Variants in RAB27A observed in about 807,000 individuals in gnomAD.
RAB27A encodes the protein ras-related protein Rab-27A.
Under a neutral mutation model 20.8 loss-of-function variants are expected in RAB27A, and 17 were observed. The ratio of observed to expected loss-of-function variants is 0.82; its 90% CI spans 0.56 to 1.23. The LOEUF (loss-of-function observed/expected upper bound fraction) is 1.23, where lower values mean the gene tolerates loss of function less well. RAB27A is among the 50% of genes most tolerant of loss of function. The pLI is 0.00. For missense variants in RAB27A, 277 were observed against 266.7 expected (o/e 1.04, Z -0.27); for synonymous variants, 85 against 92.8 (o/e 0.92, Z 0.48).
At chr15:55,220,559 C>T (rs1381710187) in intron 6 of RAB27A, among the ~76,000 whole-genome samples, 2 of 152,160 alleles carry the variant, frequency 1.3e-5, no homozygotes, top group African/African-American at 4.8e-5. Context: ...GTATGAGCCA[C>T]CACACCTGGC....
At chr15:55,307,243 G>A (rs1001232773) in intron 2 of RAB27A, among the ~76,000 whole-genome samples, 1 of 152,000 alleles carries the variant, frequency 6.6e-6, no homozygotes, top group Admixed American at 6.6e-5. Context: ...CTAAGGAGGT[G>A]ATGTCTGCAA....
At chr15:55,234,664 T>G in intron 3 of RAB27A, 118 bp downstream of exon 3, 3 of 1,138,566 alleles carry the variant, frequency 2.6e-6, no homozygotes, top group Non-Finnish European at 2.6e-6. Context: ...CACTTTCATA[T>G]GTACCTTTAA....
chr15:55,295,847 T>C (rs1323450541), intron 2 of RAB27A, among the ~76,000 whole-genome samples: 1 of 152,088 alleles, frequency 6.6e-6, no homozygotes, highest in Non-Finnish European at 1.5e-5. Flanking sequence ...CCAAGACTAA[T>C]TTTTTGTGAT....
At chr15:55,210,094 G>A (rs1452126054) in intron 6 of RAB27A, among the ~76,000 whole-genome samples, 1 of 143,498 alleles carries the variant, frequency 7.0e-6, no homozygotes, top group East Asian at 2.1e-4. Context: ...ACACATATAT[G>A]TGTGTATATA....
At chr15:55,271,247 C>T (rs918040589) in intron 1 of RAB27A, among the ~76,000 whole-genome samples, 12 of 152,206 alleles carry the variant, frequency 7.9e-5, no homozygotes, top group African/African-American at 2.9e-4. Flanking sequence ...GTATCACCGC[C>T]TCCTTCCTAT....
At chr15:55,225,285 C>T (rs1286160880) in intron 5 of RAB27A, among the ~76,000 whole-genome samples, 1 of 152,194 alleles carries the variant, frequency 6.6e-6, no homozygotes, top group African/African-American at 2.4e-5. Flanking sequence ...AGGGATGAAT[C>T]CTGGCTCTGC....
rs572979048 is a variant in RAB27A at position 55,273,830 on chromosome 15, A to T, written c.-142-3546T>A. 1.7e-4 allele frequency among the ~76,000 whole-genome samples: 26 copies of T among 152,246 alleles called. 1 individual carries two copies. Among genetic ancestry groups the T allele is most frequent in the Admixed American group, 1.5e-3 (23 of 15,286 alleles). ...TTTGAATACCCTGTTTTCAACAATGAACAGATCATCCAGATAGAAAATCAA... is the reference window on the plus strand; with the variant it reads ...TTTGAATACCCTGTTTTCAACAATGTACAGATCATCCAGATAGAAAATCAA... On this transcript the variant is annotated intron_variant, in intron 1 of 6. Coordinates refer to ENST00000336787, the MANE Select transcript of RAB27A (RefSeq NM_183235.3).
intron 2 of RAB27A, among the ~76,000 whole-genome samples, chr15:55,305,132 G>A (rs145069711): frequency 0.011 from 1,667 of 152,292 alleles, 31 homozygotes; most frequent in African/African-American, 0.038. Flanking sequence ...ATGCTTAAAG[G>A]TGGATGCAGT....
At chr15:55,276,921 ATAAT>A (rs1177923984) in intron 1 of RAB27A, among the ~76,000 whole-genome samples, 1 of 152,228 alleles carries the variant, frequency 6.6e-6, no homozygotes, top group Admixed American at 6.5e-5. Flanking sequence ...TCATGGGTGA[ATAAT>A]TATCCCCAAA....
At chr15:55,314,803 T>C (rs899346667) in intron 1 of RAB27A, among the ~76,000 whole-genome samples, 2 of 152,106 alleles carry the variant, frequency 1.3e-5, no homozygotes, top group African/African-American at 2.4e-5. Context: ...TGCTCATGGA[T>C]AGGAAGAATC....
At chr15:55,223,549 G>A (rs1049800935) in intron 6 of RAB27A, among the ~76,000 whole-genome samples, 17 of 151,338 alleles carry the variant, frequency 1.1e-4, no homozygotes, top group Non-Finnish European at 1.2e-4. Context: ...AAATTTCCTC[G>A]CTCAACATGG....
At chr15:55,318,572 C>T (rs1271522112) in intron 1 of RAB27A, among the ~76,000 whole-genome samples, 1 of 151,098 alleles carries the variant, frequency 6.6e-6, no homozygotes, top group East Asian at 2.0e-4. Flanking sequence ...GGCGTGGTGG[C>T]GCGCCTGTAG....
chr15:55,288,291 C>T (rs993814534), intron 1 of RAB27A, among the ~76,000 whole-genome samples: 8 of 152,076 alleles, frequency 5.3e-5, no homozygotes, highest in African/African-American at 1.7e-4. Context: ...GAGGCTGACG[C>T]AGGTTGATCA....
At chr15:55,317,337 T>G (rs1284737774) in intron 1 of RAB27A, 1 of 175,954 alleles carries the variant, frequency 5.7e-6, no homozygotes, top group Non-Finnish European at 1.2e-5. Flanking sequence ...TTTTTTTAGA[T>G]GGAGTCTCGC....
intron 2 of RAB27A, among the ~76,000 whole-genome samples, chr15:55,235,775 C>T (rs1487787487): frequency 1.3e-5 from 2 of 151,914 alleles, no homozygotes; most frequent in Non-Finnish European, 2.9e-5. Context: ...AATTGTGGTA[C>T]ACCACAATTT....
At chr15:55,266,794 C>G (rs975879047) in intron 2 of RAB27A, among the ~76,000 whole-genome samples, 2 of 152,320 alleles carry the variant, frequency 1.3e-5, no homozygotes, top group South Asian at 2.1e-4. Context: ...CAGACACACT[C>G]TCAACTACCA....
intron 6 of RAB27A, among the ~76,000 whole-genome samples, chr15:55,217,534 G>A (rs1566902164): frequency 6.6e-6 from 1 of 151,516 alleles, no homozygotes; most frequent in South Asian, 2.1e-4. Context: ...GCACAGTGGT[G>A]CACACCTGTA....
At chr15:55,263,290 T>C (rs1225644369) in intron 2 of RAB27A, among the ~76,000 whole-genome samples, 2 of 152,108 alleles carry the variant, frequency 1.3e-5, no homozygotes, top group Non-Finnish European at 1.5e-5. Flanking sequence ...AAATACCTAA[T>C]AGGTGCCAGG....
At chr15:55,231,897 T>C in intron 3 of RAB27A, among the ~76,000 whole-genome samples, 1 of 151,368 alleles carries the variant, frequency 6.6e-6, no homozygotes, top group Non-Finnish European at 1.5e-5. Flanking sequence ...CTAACAAAAG[T>C]CTAACAACAA....
Sources: allele counts gnomAD v4.1 joint callset (sites outside exome capture counted in the v4.1 genomes callset), GRCh38; gene constraint gnomAD v4.1.1; transcripts MANE v1.5; gene names NCBI Gene and HGNC (gene_info 2026-07-23, HGNC 2026-07-21).